The following SARDH variants were observed in gnomAD, a reference collection of about 807,000 sequenced individuals.
SARDH encodes sarcosine dehydrogenase.
SARDH carries 95 observed loss-of-function variants against 109.1 expected under a neutral mutation model. The ratio of observed to expected loss-of-function variants is 0.87; its 90% CI spans 0.74 to 1.03. The LOEUF (loss-of-function observed/expected upper bound fraction) is 1.03. SARDH is among the 50% of genes least tolerant of loss of function. The pLI, the probability that SARDH is intolerant of heterozygous loss-of-function variation, is 0.00. For missense variants in SARDH, 1,267 were observed against 1,287.8 expected (o/e 0.98, Z 0.25); for synonymous variants, 572 against 534.8 (o/e 1.07, Z -0.96).
At chr9:133,699,438 G>A (rs760878515) in intron 13 of SARDH, among the ~76,000 whole-genome samples, 8 of 151,770 alleles carry the variant, frequency 5.3e-5, no homozygotes, top group Non-Finnish European at 8.8e-5. Flanking sequence ...CCCAGGAGGC[G>A]GAGGTTGCAG....
At chr9:133,689,047 AC>A (rs1348685035) in intron 16 of SARDH, among the ~76,000 whole-genome samples, 1 of 152,000 alleles carries the variant, frequency 6.6e-6, no homozygotes, top group Non-Finnish European at 1.5e-5. Context: ...GGGAAAGCGG[AC>A]CCCATGGCAG....
At chr9:133,670,811 G>A in intron 18 of SARDH, 59 bp from the exon 19 acceptor site, 1 of 1,476,784 alleles carries the variant, frequency 6.8e-7, no homozygotes, top group Non-Finnish European at 9.0e-7. Context: ...CCCTTCAGGA[G>A]ATGCATGAGG....
intron 16 of SARDH, 87 bp downstream of exon 16, chr9:133,690,293 G>C (rs1322184764): frequency 6.7e-7 from 1 of 1,498,298 alleles, no homozygotes; most frequent in African/African-American, 1.4e-5. Flanking sequence ...GCCCATTCTG[G>C]ACAAGCTGTT....
At chr9:133,696,945 C>T (rs1831308833) in intron 13 of SARDH, among the ~76,000 whole-genome samples, 1 of 151,948 alleles carries the variant, frequency 6.6e-6, no homozygotes, top group African/African-American at 2.4e-5. Context: ...AAACCCAAAG[C>T]AAGCAGAAGG....
At chr9:133,670,457 G>T in intron 19 of SARDH, 127 bp downstream of exon 19, 2 of 1,072,184 alleles carry the variant, frequency 1.9e-6, no homozygotes, top group Non-Finnish European at 2.7e-6. Context: ...GGTGCGTTCT[G>T]GAAGAGCATG....
chr9:133,695,605 C>T (rs1051023797), intron 14 of SARDH, among the ~76,000 whole-genome samples: 10 of 152,068 alleles, frequency 6.6e-5, no homozygotes, highest in Admixed American at 5.2e-4. Flanking sequence ...GGTACAGACA[C>T]CCTCATTTTG....
rs1830086775 is a variant in SARDH at position 133,666,866 on chromosome 9, C to T, written c.2500G>A (p.Val834Ile). The T allele has an allele frequency of 6.2e-7, 1 of 1,612,534 alleles. No homozygotes were observed. The highest frequency in any genetic ancestry group is 1.7e-5 in the Admixed American group (1 of 59,852). ...ATGGCCTCCAGGCCAAACATGGGTA[C>T]TTTGCTGGAAGAAGCAGTAGAGAAA... The part of the protein sequence containing the change: ...RLVCFTMEDK[V>I]PMFGLEAIWR... Residue 834 changes from valine (V) to isoleucine (I), a missense_variant, in exon 20 of 21, where the codon GTA (valine) becomes ATA (isoleucine). Val to Ile is a conservative substitution (Grantham distance 29, BLOSUM62 3). Coordinates refer to ENST00000439388, the MANE Select transcript of SARDH (RefSeq NM_001134707.2). This position sits in a 1 kb window ranked among gnomAD's most constrained non-coding sequence, Gnocchi z 5.2.
intron 13 of SARDH, among the ~76,000 whole-genome samples, chr9:133,700,913 C>A (rs906446982): frequency 6.6e-6 from 1 of 152,162 alleles, no homozygotes; most frequent in Non-Finnish European, 1.5e-5. Flanking sequence ...ATTGTTGTTA[C>A]AGGAAAAAAA....
intron 15 of SARDH, among the ~76,000 whole-genome samples, chr9:133,691,618 C>A (rs190974027): frequency 6.6e-6 from 1 of 152,288 alleles, no homozygotes; most frequent in Admixed American, 6.5e-5. Context: ...CAATAAAGAC[C>A]ATTTAAAATT....
rs75516508 is a variant in SARDH at position 133,693,010 on chromosome 9, C to G, written c.1921+1248G>C. Among the ~76,000 whole-genome samples, 2,991 of 152,290 alleles carry G rather than the reference C, an allele frequency of 0.02. 84 individuals are homozygous for G. The highest frequency in any genetic ancestry group is 0.067 in the African/African-American group (2,794 of 41,552). ...AACCGCAGAGGCCCAGGAGCCCCTG[C>G]CAGCCCCCAGCCCCGAAGACCCGCT... On this transcript the variant is annotated intron_variant, in intron 15 of 20. Coordinates refer to ENST00000439388, the MANE Select transcript of SARDH (RefSeq NM_001134707.2). The surrounding 1 kb of genome is among the most constrained non-coding windows in gnomAD (Gnocchi z 5.6).
intron 1 of SARDH, among the ~76,000 whole-genome samples, chr9:133,735,360 C>T (rs950750012): frequency 6.6e-6 from 1 of 152,186 alleles, no homozygotes; most frequent in Non-Finnish European, 1.5e-5. Flanking sequence ...CTGACCCACC[C>T]CGACTCCCTC....
intron 13 of SARDH, 102 bp from the exon 14 acceptor site, chr9:133,696,463 G>A (rs1242291406): frequency 7.0e-7 from 1 of 1,437,724 alleles, no homozygotes; most frequent in Non-Finnish European, 9.6e-7. Context: ...CACCTGTACT[G>A]AGCCTCCCCT....
In SARDH at chr9:133,712,743, C is replaced by T. The variant is rs759956836; in HGVS notation, c.1238-34G>A. ...AAGAGAAGCGCAGGGCTGCGGTCTGCCCCCCAGGGTCCCCCACCCATGTCC... is the reference window on the plus strand; with the variant it reads ...AAGAGAAGCGCAGGGCTGCGGTCTGTCCCCCAGGGTCCCCCACCCATGTCC... On this transcript the variant is annotated intron_variant, in intron 9 of 20. Coordinates refer to ENST00000439388, the MANE Select transcript of SARDH (RefSeq NM_001134707.2). The surrounding 1 kb of genome is among the most constrained non-coding windows in gnomAD (Gnocchi z 4.1). 6.3e-6 allele frequency: 10 copies of T among 1,586,186 alleles called. No homozygotes were observed. The highest frequency in any genetic ancestry group is 3.3e-5 in the South Asian group (3 of 90,610).
At chr9:133,675,585 T>C (rs777189775) in intron 17 of SARDH, among the ~76,000 whole-genome samples, 6 of 152,020 alleles carry the variant, frequency 3.9e-5, no homozygotes, top group Non-Finnish European at 8.8e-5. Context: ...GTATTGTTAG[T>C]GGAAATGGAA....
chr9:133,707,753 G>C (rs1422964365), intron 11 of SARDH, among the ~76,000 whole-genome samples: 3 of 152,168 alleles, frequency 2.0e-5, no homozygotes, highest in African/African-American at 7.2e-5. Context: ...GCGCAGAGAA[G>C]GAGCTCCTTT....
intron 16 of SARDH, among the ~76,000 whole-genome samples, chr9:133,688,152 C>T (rs1830951814): frequency 6.6e-6 from 1 of 152,224 alleles, no homozygotes. Context: ...ACCCCTCCCT[C>T]TACCCCAGAG....
intron 8 of SARDH, among the ~76,000 whole-genome samples, chr9:133,716,679 A>ACCTTTTTG (rs1330975522): frequency 2.0e-5 from 3 of 152,186 alleles, no homozygotes; most frequent in Admixed American, 6.5e-5. Context: ...AGCTGAGCCC[A>ACCTTTTTG]CCTTTTTGCT....
intron 3 of SARDH, among the ~76,000 whole-genome samples, chr9:133,731,741 A>G (rs1382254260): frequency 6.6e-6 from 1 of 152,240 alleles, no homozygotes; most frequent in Non-Finnish European, 1.5e-5. Context: ...ACCTGGGGCA[A>G]AGTCGCTTCA....
intron 17 of SARDH, among the ~76,000 whole-genome samples, chr9:133,684,309 C>T (rs544393339): frequency 6.6e-6 from 1 of 152,358 alleles, no homozygotes; most frequent in East Asian, 1.9e-4. Flanking sequence ...CTCCTCCAAA[C>T]GTCAGTAGTG....
Sources: allele counts gnomAD v4.1 joint callset (sites outside exome capture counted in the v4.1 genomes callset), GRCh38; gene constraint gnomAD v4.1.1; non-coding constraint Gnocchi (gnomAD v3.1); transcripts MANE v1.5; gene names NCBI Gene and HGNC (gene_info 2026-07-23, HGNC 2026-07-21).